Variants in TPO observed in about 807,000 individuals in gnomAD.
TPO encodes thyroid peroxidase, also known as thyroid microsomal antigen.
A neutral mutation model predicts 96.9 loss-of-function variants in TPO; 78 were observed. The observed-to-expected ratio is 0.81, with a 90% confidence interval of 0.67 to 0.97. The LOEUF (loss-of-function observed/expected upper bound fraction) is 0.97, where lower values mean the gene tolerates loss of function less well. Among genes scored for constraint, TPO ranks in the 50% least tolerant of loss-of-function variants. The probability of loss-of-function intolerance (pLI) is 0.00; values close to 1 mark genes in which losing one functional copy is unlikely to be tolerated. For missense variants in TPO, 1,252 were observed against 1,274.8 expected (o/e 0.98, Z 0.27); for synonymous variants, 547 against 538.0 (o/e 1.02, Z -0.23).
chr2:1,483,934 T>C (rs1041010484), intron 8 of TPO, among the ~76,000 whole-genome samples: 1 of 152,242 alleles, frequency 6.6e-6, no homozygotes, highest in Non-Finnish European at 1.5e-5. Context: ...CCTAAACTGG[T>C]AAGCTAAAAG....
At chr2:1,400,533 C>T (rs896881478) in intron 1 of TPO, among the ~76,000 whole-genome samples, 10 of 129,286 alleles carry the variant, frequency 7.7e-5, no homozygotes, top group South Asian at 2.5e-4. Context: ...TGCACCACTG[C>T]ACTCCAGCCT....
intron 1 of TPO, among the ~76,000 whole-genome samples, chr2:1,377,771 G>A (rs1056407593): frequency 4.6e-5 from 7 of 152,148 alleles, no homozygotes; most frequent in Admixed American, 2.6e-4. Flanking sequence ...TCTGTACCTG[G>A]TGCTATGTCT....
intron 11 of TPO, among the ~76,000 whole-genome samples, chr2:1,494,928 A>G (rs901102406): frequency 2.0e-5 from 3 of 152,072 alleles, no homozygotes; most frequent in Non-Finnish European, 4.4e-5. Flanking sequence ...AGCTACGAAC[A>G]CCTGGGTAGA....
intron 7 of TPO, among the ~76,000 whole-genome samples, chr2:1,461,986 C>T (rs572137778): frequency 5.3e-5 from 8 of 152,320 alleles, no homozygotes; most frequent in Non-Finnish European, 1.0e-4. Context: ...CGGGTGCTCT[C>T]ATCAGCCATG....
chr2:1,484,120 A>G (rs757602713), intron 8 of TPO, among the ~76,000 whole-genome samples: 46 of 152,258 alleles, frequency 3.0e-4, no homozygotes, highest in Non-Finnish European at 6.0e-4. Context: ...CCATGTATCA[A>G]ATCGTAATTT....
chr2:1,468,110 C>A (rs1363272950), intron 7 of TPO, among the ~76,000 whole-genome samples: 1 of 151,850 alleles, frequency 6.6e-6, no homozygotes, highest in Non-Finnish European at 1.5e-5. Context: ...TTGAAGGCAG[C>A]AGATGGTTGG....
At chr2:1,454,403 G>C (rs1573252348) in intron 6 of TPO, among the ~76,000 whole-genome samples, 2 of 152,312 alleles carry the variant, frequency 1.3e-5, no homozygotes, top group Admixed American at 1.3e-4. Context: ...AAGAGCGCAG[G>C]TGGTGGGACT....
intron 1 of TPO, among the ~76,000 whole-genome samples, chr2:1,398,151 G>C (rs1319910808): frequency 1.5e-4 from 23 of 152,190 alleles, no homozygotes; most frequent in Non-Finnish European, 7.3e-5. Context: ...ACTCCGGTGA[G>C]GGACAGGACT....
intron 10 of TPO, among the ~76,000 whole-genome samples, chr2:1,491,526 C>T (rs1429840269): frequency 6.6e-6 from 1 of 152,234 alleles, no homozygotes; most frequent in East Asian, 1.9e-4. Flanking sequence ...TATACAGAAA[C>T]TTTCTCTCCT....
At chr2:1,489,944 CAG>C (rs1335840706) in intron 10 of TPO, among the ~76,000 whole-genome samples, 1 of 115,476 alleles carries the variant, frequency 8.7e-6, no homozygotes, top group Admixed American at 9.0e-5. Flanking sequence ...GGAGTCACGA[CAG>C]AGCAGTGTAA....
intron 7 of TPO, among the ~76,000 whole-genome samples, chr2:1,468,277 AT>A (rs1471416676): frequency 1.3e-5 from 2 of 151,786 alleles, no homozygotes; most frequent in Non-Finnish European, 2.9e-5. Flanking sequence ...GGTTTTTTTA[AT>A]TGTATTTTTG....
chr2:1,519,374 G>T (rs924054346), intron 15 of TPO, among the ~76,000 whole-genome samples: 3 of 152,196 alleles, frequency 2.0e-5, no homozygotes, highest in African/African-American at 7.2e-5. Context: ...TGCCACAGCT[G>T]CCCTGCTTCT....
intron 14 of TPO, chr2:1,512,362 G>A (rs1674239973): frequency 1.0e-6 from 1 of 983,504 alleles, no homozygotes. Flanking sequence ...GAATCCTCCT[G>A]CCTGGACACT....
chr2:1,542,273 A>G (rs1235548926), intron 16 of TPO, 148 bp from the exon 17 acceptor site: 2 of 1,121,740 alleles, frequency 1.8e-6, no homozygotes, highest in Non-Finnish European at 2.6e-6. Context: ...TCCCTCCAGC[A>G]TGACAAGCAA....
At chr2:1,459,791 C>T (rs1194828196) in intron 7 of TPO, among the ~76,000 whole-genome samples, 1 of 152,240 alleles carries the variant, frequency 6.6e-6, no homozygotes, top group Non-Finnish European at 1.5e-5. Flanking sequence ...GGTCCAGCCT[C>T]TGTCCCTGGG....
chr2:1,484,468 C>G (rs1670933159), intron 8 of TPO, 128 bp from the exon 9 acceptor site: 1 of 1,226,642 alleles, frequency 8.2e-7, no homozygotes, highest in Non-Finnish European at 1.1e-6. Flanking sequence ...AGCTGAGGCC[C>G]TTATTACAAG....
intron 15 of TPO, among the ~76,000 whole-genome samples, chr2:1,524,236 TC>T (rs754641529): frequency 3.7e-5 from 3 of 81,086 alleles, no homozygotes; most frequent in Non-Finnish European, 7.5e-5. Context: ...TGCAACCTCC[TC>T]AAATCCCCCC....
chr2:1,537,017 GC>G (rs1679853924), intron 15 of TPO, among the ~76,000 whole-genome samples: 1 of 29,664 alleles, frequency 3.4e-5, no homozygotes, highest in Non-Finnish European at 5.5e-5. Flanking sequence ...CCCACTGTGT[GC>G]AACGTCCTCA....
At chr2:1,422,363 C>CAGGTGCCGT (rs200717355) in intron 2 of TPO, among the ~76,000 whole-genome samples, 1 of 121,702 alleles carries the variant, frequency 8.2e-6, no homozygotes, top group African/African-American at 2.9e-5. Context: ...GCAGGCGCCG[C>CAGGTGCCGT]GCTGGACCGA....
Sources: gnomAD v4.1 joint callset for allele counts (sites outside exome capture counted in the v4.1 genomes callset) on GRCh38, gnomAD v4.1.1 for gene constraint, MANE v1.5 for transcripts, NCBI Gene and HGNC (gene_info 2026-07-23, HGNC 2026-07-21) for gene names.